Variants in TMEM14B observed in about 807,000 individuals in gnomAD.
The protein encoded by TMEM14B is transmembrane protein 14B.
A neutral mutation model predicts 14.8 loss-of-function variants in TMEM14B; 9 were observed. That is an observed-to-expected ratio of 0.61 (90% confidence interval 0.37 to 1.06). The LOEUF is 1.06. Among genes scored for constraint, TMEM14B ranks in the 50% least tolerant of loss-of-function variants. The pLI is 0.01. For missense variants in TMEM14B, 128 were observed against 143.6 expected (o/e 0.89, Z 0.56); for synonymous variants, 40 against 51.3 (o/e 0.78, Z 0.94).
At chr6:10,756,338 T>G (rs1771799931) in intron 5 of TMEM14B, 129 bp from the exon 6 acceptor site, 9 of 1,049,206 alleles carry the variant, frequency 8.6e-6, no homozygotes, top group Non-Finnish European at 1.2e-5. Context: ...ATTTTACCTC[T>G]GACCACTCTT....
rs1392134206 is a variant in TMEM14B at position 10,753,854 on chromosome 6, C to A, written c.203-1288C>A. On this transcript the variant is annotated intron_variant, in intron 4 of 5. Transcript: ENST00000379542. ...TCTTTTTCATCTGCACAGCCATCGTCCTAGTCCCAGTTATCCCCTCTTTCT... is the reference window on the plus strand; with the variant it reads ...TCTTTTTCATCTGCACAGCCATCGTACTAGTCCCAGTTATCCCCTCTTTCT... Among the ~76,000 whole-genome samples the A allele has an allele frequency of 2.7e-3, 404 of 152,224 alleles. 3 individuals carry two copies. Among genetic ancestry groups the A allele is most frequent in the African/African-American group, 8.9e-3 (369 of 41,476 alleles).
At chr6:10,749,080 C>T (rs1211171045) in intron 1 of TMEM14B, 122 bp from the exon 2 acceptor site, 4 of 635,698 alleles carry the variant, frequency 6.3e-6, no homozygotes, top group South Asian at 3.8e-5. Flanking sequence ...CCAGTGTTAT[C>T]CTCATGGTAC....
chr6:10,755,240 C>G lies in TMEM14B; in HGVS notation c.293+8C>G. On this transcript the variant is annotated splice_region_variant and intron_variant, in intron 5 of 5. Coordinates refer to ENST00000379542, the MANE Select transcript of TMEM14B (RefSeq NM_030969.5). ...TTTAATTGCAGGTGCCAGGTACTTT[C>G]ATTCTATTACTCTTCTTTACCATGT... The G allele has an allele frequency of 6.2e-7, 1 of 1,614,106 alleles. No individual in the cohort carries two copies. Among genetic ancestry groups the G allele is most frequent in the African/African-American group, 1.3e-5 (1 of 75,062 alleles).
intron 3 of TMEM14B, 116 bp downstream of exon 3, chr6:10,749,814 A>T: frequency 8.2e-7 from 1 of 1,219,030 alleles, no homozygotes; most frequent in Non-Finnish European, 1.2e-6. Flanking sequence ...TAGGTCCCCA[A>T]GCTGGAGTGC....
intron 3 of TMEM14B, chr6:10,750,100 T>G (rs550825308): frequency 1.9e-5 from 4 of 209,420 alleles, no homozygotes; most frequent in Non-Finnish European, 3.9e-5. Flanking sequence ...GCTGTGCTTG[T>G]TTTTGCCCCC....
chr6:10,751,733 A>C (rs1771579458), intron 4 of TMEM14B, among the ~76,000 whole-genome samples: 1 of 152,118 alleles, frequency 6.6e-6, no homozygotes. Flanking sequence ...CAGTCAGCTA[A>C]CTAAATATAT....
At chr6:10,755,572 T>C (rs1771772948) in intron 5 of TMEM14B, 3 of 1,272,278 alleles carry the variant, frequency 2.4e-6, no homozygotes, top group Non-Finnish European at 3.0e-6. Flanking sequence ...AGGTGTCTTT[T>C]GTAGAAAATT....
At chr6:10,757,629 TA>T (rs549089673), downstream of TMEM14B, among the ~76,000 whole-genome samples, 36 of 152,370 alleles carry the variant, frequency 2.4e-4, 1 homozygote, top group South Asian at 7.2e-3. Flanking sequence ...TAGTTCACTT[TA>T]TTCATGTTTC....
At chr6:10,759,261 C>T (rs1352572584), downstream of TMEM14B, 1 of 151,924 alleles carries the variant, frequency 6.6e-6, no homozygotes, top group Non-Finnish European at 1.5e-5. Context: ...CGGATGATTA[C>T]TATTTAGTTT....
intron 4 of TMEM14B, among the ~76,000 whole-genome samples, chr6:10,751,713 A>T (rs1325736006): frequency 6.6e-6 from 1 of 152,070 alleles, no homozygotes; most frequent in East Asian, 1.9e-4. Flanking sequence ...TTTGAAAATC[A>T]CCTCTTTAGC....
chr6:10,749,609 CTT>C lies in TMEM14B; in HGVS notation c.24-12_24-11del. ...TAGCACTGACTTCTCACTGACTTCT[CTT>C]GTGTTTTCAGAGTGCCTTTGCATTG... On this transcript the variant is annotated splice_polypyrimidine_tract_variant and intron_variant, in intron 2 of 5. Transcript: ENST00000379542. 1 of 1,614,168 alleles carries C rather than the reference CTT, an allele frequency of 6.2e-7. No individual in the cohort carries two copies. The highest frequency in any genetic ancestry group is 8.5e-7 in the Non-Finnish European group (1 of 1,179,992).
chr6:10,757,693 C>G (rs909542727), downstream of TMEM14B, among the ~76,000 whole-genome samples: 2 of 152,198 alleles, frequency 1.3e-5, no homozygotes, highest in African/African-American at 4.8e-5. Flanking sequence ...TTCATTCCCT[C>G]TTTAAAAAGG....
chr6:10,748,385 A>G (rs1771412444), intron 1 of TMEM14B, among the ~76,000 whole-genome samples: 1 of 151,114 alleles, frequency 6.6e-6, no homozygotes, highest in Non-Finnish European at 1.5e-5. Context: ...AGCTGGGATT[A>G]CAGGTGCATG....
At chr6:10,757,935 G>A (rs990571985), downstream of TMEM14B, among the ~76,000 whole-genome samples, 2 of 150,964 alleles carry the variant, frequency 1.3e-5, no homozygotes, top group Non-Finnish European at 2.9e-5. Context: ...TGGTTGCAGC[G>A]AGCCGAGATC....
intron 5 of TMEM14B, among the ~76,000 whole-genome samples, chr6:10,756,219 C>T (rs527263124): frequency 3.3e-5 from 5 of 152,302 alleles, no homozygotes; most frequent in African/African-American, 1.2e-4. Context: ...TTCTTCATCT[C>T]TTCAAATTAC....
chr6:10,747,917 T>G (rs553717693), intron 1 of TMEM14B, 36 bp downstream of exon 1: 2 of 152,266 alleles, frequency 1.3e-5, no homozygotes, highest in Non-Finnish European at 2.9e-5. Context: ...TGTTTTTATT[T>G]TCTGCCACTT....
In TMEM14B at chr6:10,755,031, A is replaced by G. The variant is rs114436369; in HGVS notation, c.203-111A>G. ...ATCTCCCCTACTTGGGGAAGGAGGA[A>G]TAAGCATAGGATGAGGCGTGAGCCT... is the stretch of plus-strand genomic sequence containing the variant. On this transcript the variant is annotated intron_variant, in intron 4 of 5. Coordinates refer to ENST00000379542, the MANE Select transcript of TMEM14B (RefSeq NM_030969.5). The G allele has an allele frequency of 9.4e-4, 1,077 of 1,146,180 alleles. 4 individuals are homozygous for G. In the African/African-American group the frequency reaches 0.015, roughly 16 times the overall value. The allele number at this position is 1,146,180 out of a possible 1,614,324, so 71.0% of individuals were successfully genotyped here.
At position 10,751,168 on chromosome 6, in the gene TMEM14B, G is replaced by C; in HGVS notation, c.136G>C (p.Gly46Arg). 1 of 1,613,924 alleles carries C rather than the reference G, an allele frequency of 6.2e-7. No homozygotes were observed. The highest frequency in any genetic ancestry group is 1.1e-5 in the South Asian group (1 of 91,082). Residue 46 changes from glycine (G) to arginine (R), a missense_variant, in exon 4 of 6, where the codon GGC becomes CGC. By Grantham distance (125) the Gly-to-Arg change is moderately radical. Transcript: ENST00000379542. ...GTCCCTGGCTGCAGGGCTGCTCTTC[G>C]GCAGTCTAGCCGGCCTGGGTGCTTA... is the stretch of plus-strand genomic sequence containing the variant. ...VPSLAAGLLF[G>R]SLAGLGAYQL...
intron 4 of TMEM14B, among the ~76,000 whole-genome samples, chr6:10,754,447 T>A (rs1477123252): frequency 6.6e-6 from 1 of 152,190 alleles, no homozygotes; most frequent in East Asian, 1.9e-4. Context: ...CTGCATATAC[T>A]GTCCCCTCTG....
Sources: allele counts gnomAD v4.1 joint callset (sites outside exome capture counted in the v4.1 genomes callset), GRCh38; gene constraint gnomAD v4.1.1; transcripts MANE v1.5; gene names NCBI Gene and HGNC (gene_info 2026-07-23, HGNC 2026-07-21).